VDAC1: variants seen among roughly 807,000 people sequenced by gnomAD.
VDAC1 encodes voltage dependent anion channel 1.
VDAC1 carries 10 observed loss-of-function variants against 34.7 expected under a neutral mutation model. That is an observed-to-expected ratio of 0.29 (90% CI 0.18 to 0.49). The LOEUF is 0.49. VDAC1 is among the 20% of genes least tolerant of loss of function. VDAC1 has a pLI of 0.99. For synonymous variants in VDAC1, 130 were observed against 136.0 expected (o/e 0.96, Z 0.30); for missense variants, 230 against 347.9 (o/e 0.66, Z 2.69).
chr5:134,072,155 A>G, the VDAC1 span, among the ~76,000 whole-genome samples: 1 of 152,136 alleles, frequency 6.6e-6, no homozygotes, highest in Non-Finnish European at 1.5e-5. Flanking sequence ...TAAGAACTTC[A>G]TCTCATTATT....
chr5:134,053,999 G>T, the VDAC1 span, among the ~76,000 whole-genome samples: 1 of 152,190 alleles, frequency 6.6e-6, no homozygotes, highest in Non-Finnish European at 1.5e-5. Context: ...GCTGCTGTTT[G>T]TCACTGACAA....
chr5:134,018,956 T>C, the VDAC1 span, among the ~76,000 whole-genome samples: 3 of 152,146 alleles, frequency 2.0e-5, no homozygotes, highest in African/African-American at 7.2e-5. Flanking sequence ...ACACTCTCCA[T>C]ATGCCTCCAT....
the VDAC1 span, among the ~76,000 whole-genome samples, chr5:134,016,989 A>C: frequency 6.6e-6 from 1 of 152,224 alleles, no homozygotes; most frequent in Non-Finnish European, 1.5e-5. Flanking sequence ...AGCAAGGCCC[A>C]TGTGCCCCTC....
At chr5:134,099,875 G>A in the VDAC1 span, among the ~76,000 whole-genome samples, 1 of 152,334 alleles carries the variant, frequency 6.6e-6, no homozygotes, top group East Asian at 1.9e-4. Flanking sequence ...GAGCCACCAT[G>A]CCTGGCCCCA....
chr5:133,975,915 C>T lies in VDAC1; in HGVS notation c.658G>A (p.Gly220Arg). The change falls in exon 7 of 9, where the codon GGA becomes AGA. Residue 220 changes from glycine to arginine, a missense_variant. Physicochemically the swap from Gly to Arg is moderately radical, Grantham distance 125. Transcript: ENST00000265333. ...WTAGNSNTRF[G>R]IAAKYQIDPD... ...TCAATCTGATACTTGGCTGCTATTCCGAAGCGCGTGTTACTGTTTCCTGCT... is the reference window on the plus strand; with the variant it reads ...TCAATCTGATACTTGGCTGCTATTCTGAAGCGCGTGTTACTGTTTCCTGCT... 1.2e-6 allele frequency: 2 copies of T among 1,612,626 alleles called. No individual in the cohort carries two copies. Among genetic ancestry groups the T allele is most frequent in the East Asian group, 2.2e-5 (1 of 44,828 alleles).
chr5:134,011,510 T>C, the VDAC1 span, among the ~76,000 whole-genome samples: 1 of 152,156 alleles, frequency 6.6e-6, no homozygotes, highest in Non-Finnish European at 1.5e-5. Context: ...TCTCTGCTTC[T>C]ATGAGTGTGA....
At chr5:133,984,419 CGT>C (rs70976506) in intron 5 of VDAC1, among the ~76,000 whole-genome samples, 18,632 of 121,406 alleles carry the variant, frequency 0.15, 1,412 homozygotes, top group East Asian at 0.2. Flanking sequence ...CAATGACCAG[CGT>C]GTGTGTGTGT....
At chr5:134,039,531 G>T in the VDAC1 span, among the ~76,000 whole-genome samples, 6 of 151,730 alleles carry the variant, frequency 4.0e-5, no homozygotes, top group East Asian at 1.9e-4. Flanking sequence ...GGGTTTCACC[G>T]TGTTAGCCAG....
intron 1 of VDAC1, among the ~76,000 whole-genome samples, chr5:134,003,923 G>A (rs995842925): frequency 1.7e-4 from 26 of 152,232 alleles, no homozygotes; most frequent in Admixed American, 1.5e-3. Context: ...CGCATTTGGC[G>A]AATGAATGAA....
At chr5:134,054,849 G>A in the VDAC1 span, among the ~76,000 whole-genome samples, 7 of 152,278 alleles carry the variant, frequency 4.6e-5, no homozygotes, top group East Asian at 1.9e-4. Context: ...CACAGGAAGC[G>A]GCGACTGAGC....
chr5:134,104,664 G>A, the VDAC1 span, among the ~76,000 whole-genome samples: 46 of 152,300 alleles, frequency 3.0e-4, no homozygotes, highest in Non-Finnish European at 5.7e-4. Flanking sequence ...AGGAGAAAGG[G>A]GAGAAAAGGA....
At chr5:134,093,492 C>A in the VDAC1 span, among the ~76,000 whole-genome samples, 1 of 152,172 alleles carries the variant, frequency 6.6e-6, no homozygotes, top group East Asian at 1.9e-4. Context: ...GCACTCCAGG[C>A]CAGGGCAGGC....
chr5:134,105,998 C>T, the VDAC1 span, among the ~76,000 whole-genome samples: 3 of 152,234 alleles, frequency 2.0e-5, no homozygotes, highest in Non-Finnish European at 2.9e-5. Context: ...CTTCCTCTGC[C>T]GGCTGATGTG....
chr5:134,075,534 C>T, the VDAC1 span, among the ~76,000 whole-genome samples: 1 of 152,222 alleles, frequency 6.6e-6, no homozygotes, highest in Non-Finnish European at 1.5e-5. Context: ...ACACTACTCA[C>T]TACTATTCAC....
At chr5:134,067,428 TA>T in the VDAC1 span, among the ~76,000 whole-genome samples, 37,631 of 96,490 alleles carry the variant, frequency 0.39, 6,312 homozygotes, top group African/African-American at 0.42. Flanking sequence ...TTACATATTC[TA>T]AAAAAAAAAA....
At chr5:134,060,727 G>T in the VDAC1 span, among the ~76,000 whole-genome samples, 2 of 151,498 alleles carry the variant, frequency 1.3e-5, no homozygotes, top group African/African-American at 4.8e-5. Context: ...GGGTCATGAG[G>T]CTTATTTTGA....
chr5:134,081,154 C>T, the VDAC1 span, among the ~76,000 whole-genome samples: 2 of 152,054 alleles, frequency 1.3e-5, no homozygotes, highest in Non-Finnish European at 2.9e-5. Flanking sequence ...TCTCCTGCCT[C>T]AGCCTCCCAA....
the VDAC1 span, among the ~76,000 whole-genome samples, chr5:134,053,782 C>T: frequency 3.9e-5 from 6 of 152,334 alleles, no homozygotes; most frequent in South Asian, 2.1e-4. Context: ...AGGGAAGATG[C>T]CTTTTTCCCT....
chr5:134,053,077 T>C, the VDAC1 span, among the ~76,000 whole-genome samples: 1 of 151,928 alleles, frequency 6.6e-6, no homozygotes, highest in African/African-American at 2.4e-5. Context: ...ATAGCGCCAT[T>C]GCACTCCAGC....
Sources: allele counts gnomAD v4.1 joint callset (sites outside exome capture counted in the v4.1 genomes callset), GRCh38; gene constraint gnomAD v4.1.1; transcripts MANE v1.5; gene names NCBI Gene and HGNC (gene_info 2026-07-23, HGNC 2026-07-21).